Variants in SLC17A8 observed in about 807,000 individuals in gnomAD.
SLC17A8 encodes the protein solute carrier family 17 member 8.
A neutral mutation model predicts 58.0 loss-of-function variants in SLC17A8; 31 were observed. The observed-to-expected ratio is 0.53, with a 90% CI of 0.40 to 0.72. The LOEUF (loss-of-function observed/expected upper bound fraction) is 0.72, where lower values mean the gene tolerates loss of function less well. Ranked by LOEUF, SLC17A8 falls within the 30% of genes least tolerant of loss-of-function variation. The probability of loss-of-function intolerance (pLI) is 0.00; values close to 1 mark genes in which losing one functional copy is unlikely to be tolerated. For missense variants in SLC17A8, 655 were observed against 727.8 expected, an observed-to-expected ratio of 0.90 and a Z score of 1.15; for synonymous variants, 228 against 249.0, an observed-to-expected ratio of 0.92 and a Z score of 0.79.
intron 10 of SLC17A8, among the ~76,000 whole-genome samples, chr12:100,413,644 A>G (rs1043334054): frequency 6.6e-6 from 1 of 152,190 alleles, no homozygotes; most frequent in African/African-American, 2.4e-5. Context: ...AAAGAGTGAA[A>G]TTTAGTTGTT....
intron 1 of SLC17A8, among the ~76,000 whole-genome samples, chr12:100,379,789 G>A (rs78626066): frequency 0.029 from 4,040 of 136,976 alleles, 54 homozygotes; most frequent in African/African-American, 0.042. Context: ...AATAAAAGGT[G>A]CTGGATGATC....
intron 5 of SLC17A8, among the ~76,000 whole-genome samples, chr12:100,398,314 A>G (rs1324693347): frequency 2.6e-5 from 4 of 152,132 alleles, no homozygotes; most frequent in Non-Finnish European, 5.9e-5. Context: ...CTCCATCCCT[A>G]CTACTGTGCT....
At chr12:100,394,826 A>T (rs1566397407) in intron 4 of SLC17A8, among the ~76,000 whole-genome samples, 1 of 147,714 alleles carries the variant, frequency 6.8e-6, no homozygotes, top group East Asian at 1.9e-4. Flanking sequence ...ATACATATAT[A>T]GTATATATAT....
Position 100,358,765 on chromosome 12 carries a change from C to T in SLC17A8, c.101+1273C>T, listed in dbSNP as rs138838280. Among the ~76,000 whole-genome samples the T allele has an allele frequency of 2.9e-4, 44 of 152,212 alleles. 1 individual carries two copies. In the East Asian group the frequency reaches 7.9e-3, roughly 27 times the overall value. ...GTGTTGGCGTTCATTTGATTAGAAA[C>T]GCAAAAATAATTTTTGCATAATAAG... On this transcript the variant is annotated intron_variant, in intron 1 of 11. Coordinates refer to ENST00000323346, the MANE Select transcript of SLC17A8 (RefSeq NM_139319.3).
At chr12:100,387,283 A>ATGGTCATC (rs1256746140) in intron 2 of SLC17A8, among the ~76,000 whole-genome samples, 1 of 152,132 alleles carries the variant, frequency 6.6e-6, no homozygotes, top group Non-Finnish European at 1.5e-5. Flanking sequence ...GTTTTTGATA[A>ATGGTCATC]TGGTCATCCT....
At chr12:100,381,369 A>C (rs1952636297) in intron 2 of SLC17A8, among the ~76,000 whole-genome samples, 3 of 152,158 alleles carry the variant, frequency 2.0e-5, no homozygotes, top group South Asian at 4.1e-4. Flanking sequence ...GGAGACAAGT[A>C]AGTGATGACA....
chr12:100,409,254 T>C (rs568242555), intron 9 of SLC17A8, among the ~76,000 whole-genome samples: 3 of 152,112 alleles, frequency 2.0e-5, no homozygotes, highest in African/African-American at 7.2e-5. Context: ...GGTGCAATCT[T>C]GGCTCACTGC....
chr12:100,395,726 C>T (rs1393150534), intron 4 of SLC17A8, among the ~76,000 whole-genome samples: 1 of 152,104 alleles, frequency 6.6e-6, no homozygotes, highest in African/African-American at 2.4e-5. Flanking sequence ...GATTCTTGTG[C>T]CTCAGCCTCC....
intron 1 of SLC17A8, among the ~76,000 whole-genome samples, chr12:100,370,980 C>T (rs1447642557): frequency 1.3e-5 from 2 of 152,088 alleles, no homozygotes; most frequent in African/African-American, 2.4e-5. Context: ...AAATGAGAGA[C>T]ATAGATACTG....
At chr12:100,388,531 A>G (rs1039756807) in intron 2 of SLC17A8, among the ~76,000 whole-genome samples, 9 of 152,230 alleles carry the variant, frequency 5.9e-5, no homozygotes, top group Admixed American at 4.6e-4. Flanking sequence ...TCTAATCCGT[A>G]AAATGAGAAA....
chr12:100,373,271 A>G (rs1228068604), intron 1 of SLC17A8, among the ~76,000 whole-genome samples: 1 of 152,204 alleles, frequency 6.6e-6, no homozygotes, highest in African/African-American at 2.4e-5. Flanking sequence ...AATAGCTATT[A>G]TGGATAATTA....
Position 100,375,902 on chromosome 12 carries a change from C to A in SLC17A8, c.102-4799C>A, listed in dbSNP as rs182629521. On this transcript the variant is annotated intron_variant, in intron 1 of 11. Coordinates refer to ENST00000323346, the MANE Select transcript of SLC17A8 (RefSeq NM_139319.3). ...GAATTGTGTCTTCATATGGATCTGC[C>A]CAAATTCATTATGGTGAAATTCTAA... is the stretch of plus-strand genomic sequence containing the variant. Among the ~76,000 whole-genome samples the A allele has an allele frequency of 3.6e-3, 545 of 152,174 alleles. 7 individuals are homozygous for A. Among genetic ancestry groups the A allele is most frequent in the African/African-American group, 0.012 (518 of 41,502 alleles).
chr12:100,377,115 C>G (rs1237415432), intron 1 of SLC17A8, among the ~76,000 whole-genome samples: 1 of 151,976 alleles, frequency 6.6e-6, no homozygotes, highest in Non-Finnish European at 1.5e-5. Flanking sequence ...AGGCCTAGAG[C>G]ATCAGTTTTC....
At chr12:100,408,029 C>A (rs1212720118) in intron 9 of SLC17A8, among the ~76,000 whole-genome samples, 1 of 152,174 alleles carries the variant, frequency 6.6e-6, no homozygotes, top group Admixed American at 6.5e-5. Context: ...GAGATAACTA[C>A]ATGAAAACAA....
At chr12:100,407,224 G>C (rs1952832380) in intron 9 of SLC17A8, among the ~76,000 whole-genome samples, 1 of 151,926 alleles carries the variant, frequency 6.6e-6, no homozygotes, top group South Asian at 2.1e-4. Flanking sequence ...TATTTCCTTT[G>C]GACAAAAAAA....
In SLC17A8 at chr12:100,420,609, C is replaced by T. The variant is rs1176710735; in HGVS notation, c.*450C>T. The T allele has an allele frequency of 5.8e-6, 1 of 171,856 alleles. No homozygotes were observed. Among genetic ancestry groups the T allele is most frequent in the Non-Finnish European group, 1.3e-5 (1 of 78,404 alleles). 10.6% of individuals were successfully genotyped at this position (171,856 alleles called of 1,614,324 possible). A position where few individuals can be genotyped will look rare whatever the true frequency, so the allele number is the denominator to read the frequency against. On this transcript the variant is annotated 3_prime_UTR_variant, in exon 12 of 12. Transcript: ENST00000323346. ...TTGTGGCAGGTGCTTTATAAACACT[C>T]TTATTTAATCTCCACACCTTTATGA... is the stretch of plus-strand genomic sequence containing the variant.
At chr12:100,397,019 C>A (rs918805300) in intron 5 of SLC17A8, among the ~76,000 whole-genome samples, 3 of 152,130 alleles carry the variant, frequency 2.0e-5, no homozygotes, top group Non-Finnish European at 4.4e-5. Flanking sequence ...TTTCCCAAAG[C>A]CCCCTACCAA....
intron 3 of SLC17A8, among the ~76,000 whole-genome samples, chr12:100,391,944 C>G (rs1024096200): frequency 6.6e-6 from 1 of 152,102 alleles, no homozygotes; most frequent in Non-Finnish European, 1.5e-5. Flanking sequence ...CTCTAATGTC[C>G]TTGAGACTCT....
rs543573169 is a variant in SLC17A8 at position 100,404,066 on chromosome 12, T to C, written c.1082T>C (p.Met361Thr). 1.9e-6 allele frequency: 3 copies of C among 1,614,158 alleles called. No homozygotes were observed. Among genetic ancestry groups the C allele is most frequent in the African/African-American group, 1.3e-5 (1 of 75,026 alleles). ...KVGLLSAVPH[M>T]VMTIVVPIGG... Reference sequence around the variant, plus strand: ...GGTCTCTTGTCAGCAGTCCCACACATGGTTATGACAATCGTTGTACCTATT... The same window carrying C: ...GGTCTCTTGTCAGCAGTCCCACACACGGTTATGACAATCGTTGTACCTATT... Residue 361 changes from methionine to threonine, a missense_variant, in exon 9 of 12, where the codon ATG becomes ACG. Coordinates refer to ENST00000323346, the MANE Select transcript of SLC17A8 (RefSeq NM_139319.3).
Sources: gnomAD v4.1 joint callset for allele counts (sites outside exome capture counted in the v4.1 genomes callset) on GRCh38, gnomAD v4.1.1 for gene constraint, MANE v1.5 for transcripts, NCBI Gene and HGNC (gene_info 2026-07-23, HGNC 2026-07-21) for gene names.